Variants in TMEM117 observed in about 807,000 individuals in gnomAD.
The protein encoded by TMEM117 is transmembrane protein 117.
A neutral mutation model predicts 52.4 loss-of-function variants in TMEM117; 27 were observed. That is an observed-to-expected ratio of 0.51 (90% CI 0.38 to 0.71). The LOEUF (loss-of-function observed/expected upper bound fraction) is 0.71, where lower values mean the gene tolerates loss of function less well. Among genes scored for constraint, TMEM117 ranks in the 30% least tolerant of loss-of-function variants. The pLI, the probability that TMEM117 is intolerant of heterozygous loss-of-function variation, is 0.00. For missense variants in TMEM117, 556 were observed against 630.5 expected, an observed-to-expected ratio of 0.88 and a Z score of 1.26; for synonymous variants, 215 against 206.3, an observed-to-expected ratio of 1.04 and a Z score of -0.36.
At chr12:44,152,267 CATATTT>C (rs1360509868) in intron 4 of TMEM117, among the ~76,000 whole-genome samples, 1 of 97,628 alleles carries the variant, frequency 1.0e-5, no homozygotes, top group East Asian at 3.5e-4. Flanking sequence ...AATGTATAAT[CATATTT>C]ATATTATATA....
rs185872273 is a variant in TMEM117 at position 44,156,470 on chromosome 12, G to A, written c.510+12846G>A. Reference sequence around the variant, plus strand: ...TTGTCTGCATACTGGAATCACCTGGGAAGTTTCAAAGACTACTGATGCCTG... The same window carrying A: ...TTGTCTGCATACTGGAATCACCTGGAAAGTTTCAAAGACTACTGATGCCTG... On this transcript the variant is annotated intron_variant, in intron 4 of 7. Coordinates refer to ENST00000266534, the MANE Select transcript of TMEM117 (RefSeq NM_032256.3). Among the ~76,000 whole-genome samples the A allele has an allele frequency of 1.4e-4, 22 of 152,144 alleles. No homozygotes were observed. The East Asian group carries it at 4.1e-3, about 28-fold the overall frequency.
At chr12:44,178,252 A>G (rs1033145817) in intron 4 of TMEM117, among the ~76,000 whole-genome samples, 3 of 152,186 alleles carry the variant, frequency 2.0e-5, no homozygotes, top group African/African-American at 4.8e-5. Flanking sequence ...TGCACTGACA[A>G]CTAAACTTTG....
Position 44,143,644 on chromosome 12 carries a change from A to G in TMEM117, c.510+20A>G. 6.4e-7 allele frequency: 1 copy of G among 1,569,622 alleles called. No homozygotes were observed. Among genetic ancestry groups the G allele is most frequent in the Non-Finnish European group, 8.8e-7 (1 of 1,141,922 alleles). On this transcript the variant is annotated intron_variant, in intron 4 of 7. Coordinates refer to ENST00000266534, the MANE Select transcript of TMEM117 (RefSeq NM_032256.3). ...TGGATGGTAAGAAAATTTTAACTTC[A>G]CCCATTTCAAACATCAAACGGAAGA...
the TMEM117 span, among the ~76,000 whole-genome samples, chr12:43,810,386 G>A: frequency 1.3e-5 from 2 of 152,030 alleles, no homozygotes; most frequent in African/African-American, 4.8e-5. Context: ...CTTCCCTAAC[G>A]TTTAAATAGC....
intron 3 of TMEM117, among the ~76,000 whole-genome samples, chr12:44,079,886 C>T (rs2138009324): frequency 6.6e-6 from 1 of 151,806 alleles, no homozygotes; most frequent in East Asian, 1.9e-4. Context: ...GGCGTGGTGG[C>T]AGGTGCCTGT....
At chr12:43,839,311 G>A (rs570231502) in intron 1 of TMEM117, among the ~76,000 whole-genome samples, 1 of 152,200 alleles carries the variant, frequency 6.6e-6, no homozygotes, top group Non-Finnish European at 1.5e-5. Flanking sequence ...GTCCCACTCA[G>A]GGTGAAAGCC....
chr12:43,826,488 T>C, the TMEM117 span, among the ~76,000 whole-genome samples: 1 of 152,170 alleles, frequency 6.6e-6, no homozygotes, highest in East Asian at 1.9e-4. Flanking sequence ...CACCTAACTA[T>C]AGACTTCTAG....
chr12:44,153,594 C>T (rs1948785923), intron 4 of TMEM117, among the ~76,000 whole-genome samples: 1 of 151,876 alleles, frequency 6.6e-6, no homozygotes, highest in African/African-American at 2.4e-5. Flanking sequence ...TGGAAAGCAT[C>T]TTATTTCTGG....
At chr12:44,236,960 T>C (rs1439608828) in intron 5 of TMEM117, among the ~76,000 whole-genome samples, 2 of 152,050 alleles carry the variant, frequency 1.3e-5, no homozygotes, top group Non-Finnish European at 2.9e-5. Flanking sequence ...CCTACCCTTG[T>C]GGATAATTCA....
At chr12:43,935,939 G>T (rs567584143) in intron 2 of TMEM117, among the ~76,000 whole-genome samples, 51 of 152,320 alleles carry the variant, frequency 3.3e-4, no homozygotes, top group African/African-American at 1.2e-3. Flanking sequence ...AAATGCAACT[G>T]CTTAGTGTTC....
chr12:43,883,789 AC>A (rs201364220), intron 2 of TMEM117, among the ~76,000 whole-genome samples: 5,898 of 151,740 alleles, frequency 0.039, 144 homozygotes, highest in Middle Eastern at 0.088. Flanking sequence ...ACAAAAAAAA[AC>A]CCCAAACAAG....
chr12:44,077,940 T>C (rs931814115), intron 3 of TMEM117, among the ~76,000 whole-genome samples: 2 of 152,164 alleles, frequency 1.3e-5, no homozygotes, highest in African/African-American at 4.8e-5. Flanking sequence ...TATGTTGTTG[T>C]ACTTATATTT....
chr12:43,857,573 A>G (rs991036107), intron 2 of TMEM117, among the ~76,000 whole-genome samples: 11 of 152,190 alleles, frequency 7.2e-5, no homozygotes, highest in African/African-American at 2.7e-4. Flanking sequence ...GTTAAATAAC[A>G]TATGGTAAAA....
Position 44,019,378 on chromosome 12 carries a change from C to A in TMEM117, c.410+75036C>A, listed in dbSNP as rs1243663535. On this transcript the variant is annotated intron_variant, in intron 3 of 7. Coordinates refer to ENST00000266534, the MANE Select transcript of TMEM117 (RefSeq NM_032256.3). ...TCACAGAAACGCTCACTTACAGCAG[C>A]CCTGACAGAGTGGCAGAGGGAGAAA... Among the ~76,000 whole-genome samples, 4 of 152,132 alleles carry A rather than the reference C, an allele frequency of 2.6e-5. No individual in the cohort carries two copies. In the East Asian group the frequency reaches 5.8e-4, roughly 22 times the overall value.
chr12:43,800,297 T>G, the TMEM117 span: 11 of 600,540 alleles, frequency 1.8e-5, no homozygotes, highest in Non-Finnish European at 2.3e-5. Flanking sequence ...AACTTTAATA[T>G]TATATGAAAT....
chr12:43,833,133 G>C (rs959545123), upstream of TMEM117, among the ~76,000 whole-genome samples: 4 of 152,182 alleles, frequency 2.6e-5, no homozygotes, highest in African/African-American at 9.7e-5. Context: ...CACTCTCTAA[G>C]CCCTGAGGTT....
chr12:44,347,075 A>G (rs1298320393), intron 6 of TMEM117, among the ~76,000 whole-genome samples: 1 of 127,636 alleles, frequency 7.8e-6, no homozygotes, highest in African/African-American at 3.0e-5. Flanking sequence ...ATCTGCCTTT[A>G]CACACACACA....
In TMEM117 at chr12:43,944,198, T is replaced by C. The variant is rs186349023; in HGVS notation, c.278-12T>C. 3.4e-4 allele frequency: 552 copies of C among 1,602,510 alleles called. 2 individuals carry two copies. In the African/African-American group the frequency reaches 6.8e-3, roughly 20 times the overall value. ...CAGTGTACATTAATTTTTAATAATA[T>C]TTGTATTTCAGGTCAGTTGCTCCGA... On this transcript the variant is annotated splice_polypyrimidine_tract_variant and intron_variant, in intron 2 of 7. Transcript: ENST00000266534.
At chr12:44,372,408 C>T (rs1951876615) in intron 6 of TMEM117, among the ~76,000 whole-genome samples, 1 of 152,020 alleles carries the variant, frequency 6.6e-6, no homozygotes, top group Non-Finnish European at 1.5e-5. Flanking sequence ...ACTGGCTATA[C>T]ATCCATAGTT....
Sources: gnomAD v4.1 joint callset for allele counts (sites outside exome capture counted in the v4.1 genomes callset) on GRCh38, gnomAD v4.1.1 for gene constraint, MANE v1.5 for transcripts, NCBI Gene and HGNC (gene_info 2026-07-23, HGNC 2026-07-21) for gene names.